The following PAK2 variants were observed in gnomAD, a reference collection of about 807,000 sequenced individuals.
The protein encoded by PAK2 is serine/threonine-protein kinase PAK 2.
PAK2 carries 21 observed loss-of-function variants against 65.9 expected under a neutral mutation model. That is an observed-to-expected ratio of 0.32 (90% confidence interval 0.23 to 0.46). The LOEUF (loss-of-function observed/expected upper bound fraction) is 0.46. Among genes scored for constraint, PAK2 ranks in the 20% least tolerant of loss-of-function variants. PAK2 has a pLI of 1.00. For synonymous variants in PAK2, 204 were observed against 219.7 expected (o/e 0.93, Z 0.63); for missense variants, 324 against 642.6 (o/e 0.50, Z 5.36).
intron 1 of PAK2, among the ~76,000 whole-genome samples, chr3:196,763,302 A>G (rs574424745): frequency 6.6e-6 from 1 of 152,280 alleles, no homozygotes; most frequent in African/African-American, 2.4e-5. Context: ...CAGTAGACTC[A>G]GTGCTGCTGG....
intron 13 of PAK2, among the ~76,000 whole-genome samples, chr3:196,826,598 A>G (rs1436282438): frequency 6.6e-6 from 1 of 151,876 alleles, no homozygotes; most frequent in African/African-American, 2.4e-5. Context: ...GGTTGTGGTT[A>G]TTTTTAATTA....
chr3:196,818,008 G>A (rs1172916234), intron 11 of PAK2, 49 bp from the exon 12 acceptor site: 1 of 790,862 alleles, frequency 1.3e-6, no homozygotes, highest in South Asian at 1.4e-5. Context: ...GTGCCTCCCT[G>A]TGTCTTTTCA....
chr3:196,788,342 T>G (rs191067118), intron 2 of PAK2, among the ~76,000 whole-genome samples: 1 of 152,306 alleles, frequency 6.6e-6, no homozygotes, highest in Non-Finnish European at 1.5e-5. Context: ...ACTAAAAAAT[T>G]TACATCCCTT....
intron 8 of PAK2, among the ~76,000 whole-genome samples, chr3:196,811,302 T>C (rs1429748998): frequency 1.3e-3 from 57 of 44,380 alleles, no homozygotes; most frequent in African/African-American, 1.6e-3. Context: ...CCTCCCTCCC[T>C]TCCTTCCCTT....
Position 196,765,905 on chromosome 3 carries a change from T to G in PAK2, c.-21-16721T>G, listed in dbSNP as rs536006901. On this transcript the variant is annotated intron_variant, in intron 1 of 14. Transcript: ENST00000327134. ...AAGAGCTATAAAATTAGTATCTTCT[T>G]TTTTTTTTTTTTTAGACGGAGTCTT... 1.8e-3 allele frequency among the ~76,000 whole-genome samples: 267 copies of G among 145,614 alleles called. 2 individuals carry two copies. In the Middle Eastern group the frequency reaches 0.031, roughly 17 times the overall value.
intron 1 of PAK2, among the ~76,000 whole-genome samples, chr3:196,742,100 T>C (rs1424229402): frequency 4.7e-5 from 1 of 21,444 alleles, no homozygotes. Flanking sequence ...TTAATATTTC[T>C]TTTTTTTTTT....
At position 196,791,147 on chromosome 3, in the gene PAK2, A is replaced by G. The variant is rs1246369325; in HGVS notation, c.187+8314A>G. Reference sequence around the variant, plus strand: ...ATTTCTGGGCTTCTAGAGTCGTTATATAAGAGTATTAAAGACATTCTGTTG... The same window carrying G: ...ATTTCTGGGCTTCTAGAGTCGTTATGTAAGAGTATTAAAGACATTCTGTTG... On this transcript the variant is annotated intron_variant, in intron 2 of 14. Transcript: ENST00000327134. The surrounding 1 kb of genome is among the most constrained non-coding windows in gnomAD (Gnocchi z 4.0). 6.6e-6 allele frequency among the ~76,000 whole-genome samples: 1 copy of G among 152,214 alleles called. No homozygotes were observed. The highest frequency in any genetic ancestry group is 2.4e-5 in the African/African-American group (1 of 41,456).
Position 196,771,594 on chromosome 3 carries a change from C to G in PAK2, c.-21-11032C>G, listed in dbSNP as rs535714070. On this transcript the variant is annotated intron_variant, in intron 1 of 14. Coordinates refer to ENST00000327134, the MANE Select transcript of PAK2 (RefSeq NM_002577.4). The stretch of plus-strand genomic sequence containing the variant: ...GTTTTTTTTGAGACAGAGTCTTGCT[C>G]TGTTGCCCAGGCTGGAGTACAATGG... Among the ~76,000 whole-genome samples, 49 of 152,200 alleles carry G rather than the reference C, an allele frequency of 3.2e-4. 1 individual carries two copies. In the South Asian group the frequency reaches 7.1e-3, roughly 22 times the overall value.
In PAK2 at chr3:196,828,678, A is replaced by C; in HGVS notation, c.*273A>C. 2.7e-6 allele frequency: 1 copy of C among 370,934 alleles called. No homozygotes were observed. 23.0% of individuals were successfully genotyped at this position (370,934 alleles called of 1,614,324 possible). ...AAACAGCCTATCAGGGCCATTTATC[A>C]TGTGTGAGATTTGCATTTTACTTTG... On this transcript the variant is annotated 3_prime_UTR_variant, in exon 15 of 15. Transcript: ENST00000327134.
chr3:196,780,462 C>A (rs111504409), intron 1 of PAK2, among the ~76,000 whole-genome samples: 15,128 of 152,166 alleles, frequency 0.099, 1,217 homozygotes, highest in East Asian at 0.44. Context: ...GGAAACACTT[C>A]TTTTTAAAAC....
intron 2 of PAK2, among the ~76,000 whole-genome samples, chr3:196,792,831 ACG>A (rs1560106070): frequency 5.9e-5 from 9 of 151,630 alleles, no homozygotes; most frequent in Admixed American, 2.6e-4. Flanking sequence ...ACACACACAC[ACG>A]GTCAAAGAGA....
rs1187438411 is a variant in PAK2, at chr3:196,740,126, C to T, written c.-53C>T. On this transcript the variant is annotated 5_prime_UTR_variant, in exon 1 of 15. Transcript: ENST00000327134. Reference sequence around the variant, plus strand: ...CCGCCGGGAGCTCTGACCGAGGCGCCTCGCTGGGGCGGGGACCTTGCCTTG... The same window carrying T: ...CCGCCGGGAGCTCTGACCGAGGCGCTTCGCTGGGGCGGGGACCTTGCCTTG... 1 of 152,158 alleles carries T rather than the reference C, an allele frequency of 6.6e-6. No homozygotes were observed. Among genetic ancestry groups the T allele is most frequent in the Non-Finnish European group, 1.5e-5 (1 of 68,024 alleles). 9.4% of individuals were successfully genotyped at this position (152,158 alleles called of 1,614,324 possible).
At chr3:196,822,470 C>CT (rs2108774466) in intron 13 of PAK2, among the ~76,000 whole-genome samples, 1 of 152,218 alleles carries the variant, frequency 6.6e-6, no homozygotes, top group African/African-American at 2.4e-5. Context: ...GGGAGGATTG[C>CT]TTGAGCCTAG....
intron 1 of PAK2, among the ~76,000 whole-genome samples, chr3:196,777,136 A>G (rs1714561122): frequency 6.6e-6 from 1 of 152,358 alleles, no homozygotes; most frequent in African/African-American, 2.4e-5. Flanking sequence ...TTTTTCATAA[A>G]AATGTATGAC....
At chr3:196,782,320 A>G (rs769864667) in intron 1 of PAK2, among the ~76,000 whole-genome samples, 2 of 151,556 alleles carry the variant, frequency 1.3e-5, no homozygotes, top group Non-Finnish European at 2.9e-5. Context: ...AAAAGATTTC[A>G]TGTTGTCTGT....
intron 14 of PAK2, among the ~76,000 whole-genome samples, chr3:196,828,075 G>T (rs952447109): frequency 7.6e-6 from 1 of 131,716 alleles, no homozygotes; most frequent in African/African-American, 3.0e-5. Context: ...TTTGTGCATC[G>T]TATCACTCCT....
chr3:196,797,185 C>T (rs911926581), intron 2 of PAK2, among the ~76,000 whole-genome samples: 1 of 152,130 alleles, frequency 6.6e-6, no homozygotes, highest in Non-Finnish European at 1.5e-5. Context: ...AAAATGTTGG[C>T]CAGGCACGGT....
At chr3:196,804,471 G>T (rs1213084271) in intron 4 of PAK2, among the ~76,000 whole-genome samples, 15 of 150,620 alleles carry the variant, frequency 1.0e-4, no homozygotes, top group African/African-American at 3.7e-4. Context: ...GCGTGTGTGT[G>T]TTTTGTTTTG....
chr3:196,784,222 T>C (rs1189778646), intron 2 of PAK2, among the ~76,000 whole-genome samples: 7 of 128,682 alleles, frequency 5.4e-5, no homozygotes, highest in African/African-American at 1.9e-4. Flanking sequence ...ATTTTTTTTT[T>C]CTTTTTTTTT....
Sources: allele counts gnomAD v4.1 joint callset (sites outside exome capture counted in the v4.1 genomes callset), GRCh38; gene constraint gnomAD v4.1.1; non-coding constraint Gnocchi (gnomAD v3.1); transcripts MANE v1.5; gene names NCBI Gene and HGNC (gene_info 2026-07-23, HGNC 2026-07-21).